The following BICD1 variants were observed in gnomAD, a reference collection of about 807,000 sequenced individuals.
BICD1 encodes the protein protein bicaudal D homolog 1.
BICD1 carries 35 observed loss-of-function variants against 92.5 expected under a neutral mutation model. The ratio of observed to expected loss-of-function variants is 0.38; its 90% CI spans 0.29 to 0.50. The LOEUF (loss-of-function observed/expected upper bound fraction) is 0.50. Ranked by LOEUF, BICD1 falls within the 20% of genes least tolerant of loss-of-function variation. BICD1 has a pLI of 0.93. For synonymous variants in BICD1, 429 were observed against 465.1 expected (o/e 0.92, Z 1.00); for missense variants, 950 against 1,189.8 (o/e 0.80, Z 2.97).
intron 2 of BICD1, among the ~76,000 whole-genome samples, chr12:32,258,161 A>G (rs1160496814): frequency 6.6e-6 from 1 of 152,150 alleles, no homozygotes; most frequent in Non-Finnish European, 1.5e-5. Flanking sequence ...GGGTTTGCTT[A>G]CTCCACAGCT....
chr12:32,336,091 C>T (rs550585686), intron 6 of BICD1, among the ~76,000 whole-genome samples: 64 of 152,236 alleles, frequency 4.2e-4, no homozygotes, highest in African/African-American at 1.5e-3. Context: ...GCCTGGGTGA[C>T]AGAGCGAGAC....
At chr12:32,325,634 T>C (rs1948757192) in intron 4 of BICD1, among the ~76,000 whole-genome samples, 1 of 152,150 alleles carries the variant, frequency 6.6e-6, no homozygotes, top group African/African-American at 2.4e-5. Context: ...CATATACACA[T>C]GTGTATCCTA....
At chr12:32,308,809 C>G (rs1948297788) in intron 4 of BICD1, among the ~76,000 whole-genome samples, 1 of 152,156 alleles carries the variant, frequency 6.6e-6, no homozygotes, top group South Asian at 2.1e-4. Context: ...AATCTTTCTT[C>G]AACCCTTAAC....
At chr12:32,140,796 CGTGTGTGTAGTTTTGGCA>C (rs756248530) in intron 1 of BICD1, among the ~76,000 whole-genome samples, 43,694 of 151,590 alleles carry the variant, frequency 0.29, 6,614 homozygotes, top group African/African-American at 0.38. Flanking sequence ...TTACATACTT[CGTGTGTGTAGTTTTGGCA>C]TTTAAGGAAA....
chr12:32,341,890 A>G (rs1938379292), intron 8 of BICD1, among the ~76,000 whole-genome samples: 1 of 152,020 alleles, frequency 6.6e-6, no homozygotes, highest in Admixed American at 6.6e-5. Context: ...ACTATATAAA[A>G]TCTTTTCAAT....
At chr12:32,321,450 T>C (rs1948654000) in intron 4 of BICD1, among the ~76,000 whole-genome samples, 1 of 152,180 alleles carries the variant, frequency 6.6e-6, no homozygotes, top group Non-Finnish European at 1.5e-5. Flanking sequence ...TTACAAATAC[T>C]GAAGTCAGGT....
chr12:32,305,808 C>G lies in BICD1; in HGVS notation c.691C>G (p.Leu231Val). 1 of 1,614,200 alleles carries G rather than the reference C, an allele frequency of 6.2e-7. No individual in the cohort carries two copies. Residue 231 changes from leucine (L) to valine (V), a missense_variant, in exon 4 of 10, where the codon CTG becomes GTG. Leu to Val is a conservative substitution (Grantham distance 32). Transcript: ENST00000652176. ...IRLKEIAEHQ[L>V]EEALETLKNE... ...ATTGAAAGAGATTGCTGAGCACCAA[C>G]TGGAAGAAGCCCTCGAGACTTTAAA...
intron 1 of BICD1, among the ~76,000 whole-genome samples, chr12:32,122,765 C>T (rs1368714860): frequency 2.6e-5 from 4 of 152,044 alleles, no homozygotes; most frequent in African/African-American, 9.7e-5. Flanking sequence ...AAAAAAGCAA[C>T]GAAGAAAGCT....
At chr12:32,333,893 A>G (rs1749525895) in intron 5 of BICD1, among the ~76,000 whole-genome samples, 1 of 152,218 alleles carries the variant, frequency 6.6e-6, no homozygotes, top group Non-Finnish European at 1.5e-5. Context: ...GGAGATTTTG[A>G]AGGAATTATA....
intron 8 of BICD1, chr12:32,339,314 G>A (rs747250689): frequency 3.9e-6 from 4 of 1,026,008 alleles, no homozygotes; most frequent in Non-Finnish European, 4.7e-6. Flanking sequence ...ATCTTGGTCA[G>A]ATTTGGCCAG....
At chr12:32,370,104 C>T (rs1939674303) in intron 9 of BICD1, among the ~76,000 whole-genome samples, 2 of 151,914 alleles carry the variant, frequency 1.3e-5, no homozygotes, top group Admixed American at 1.3e-4. Context: ...CGTGGTGGCG[C>T]AGGCCTGTAA....
chr12:32,171,327 G>C (rs954737735), intron 1 of BICD1, among the ~76,000 whole-genome samples: 6 of 152,228 alleles, frequency 3.9e-5, no homozygotes, highest in Non-Finnish European at 8.8e-5. Context: ...AGTCACAGCT[G>C]GGCCCCGAAG....
At chr12:32,274,029 C>T (rs1164000883) in intron 2 of BICD1, among the ~76,000 whole-genome samples, 1 of 152,172 alleles carries the variant, frequency 6.6e-6, no homozygotes, top group Non-Finnish European at 1.5e-5. Context: ...AAAGGGCAGG[C>T]TTTATCCGGG....
At chr12:32,247,195 G>C (rs148115162) in intron 2 of BICD1, among the ~76,000 whole-genome samples, 47 of 148,938 alleles carry the variant, frequency 3.2e-4, no homozygotes, top group Non-Finnish European at 5.9e-4. Context: ...TAACAGACTC[G>C]CTCTGGGTTT....
rs1392476286 is a variant in BICD1 at position 32,380,512 on chromosome 12, A to G, written c.*2885A>G. Reference sequence around the variant, plus strand: ...TAGCAAAGTAAACAGGTAGTTTTTTAAAAGTAAGCACAATTACAATATTGA... The same window carrying G: ...TAGCAAAGTAAACAGGTAGTTTTTTGAAAGTAAGCACAATTACAATATTGA... On this transcript the variant is annotated 3_prime_UTR_variant, in exon 10 of 10. Coordinates refer to ENST00000652176, the MANE Select transcript of BICD1 (RefSeq NM_001714.4). 6.6e-6 allele frequency: 1 copy of G among 152,186 alleles called. No homozygotes were observed. The highest frequency in any genetic ancestry group is 6.5e-5 in the Admixed American group (1 of 15,280). The allele number at this position is 152,186 out of a possible 1,614,324, so 9.4% of individuals were successfully genotyped here.
intron 2 of BICD1, chr12:32,227,828 A>G (rs895519924): frequency 1.3e-5 from 2 of 153,698 alleles, no homozygotes; most frequent in Non-Finnish European, 2.9e-5. Flanking sequence ...TGTAAGGTTA[A>G]CTTGTATGAA....
At chr12:32,199,521 T>TG in intron 1 of BICD1, among the ~76,000 whole-genome samples, 1 of 152,170 alleles carries the variant, frequency 6.6e-6, no homozygotes, top group South Asian at 2.1e-4. Flanking sequence ...CAACTGGTTA[T>TG]GGGGGGAAGG....
intron 2 of BICD1, among the ~76,000 whole-genome samples, chr12:32,236,508 C>G (rs1946077487): frequency 6.6e-6 from 1 of 152,162 alleles, no homozygotes; most frequent in Non-Finnish European, 1.5e-5. Context: ...TCAGACCTCC[C>G]TATTCCATGA....
intron 8 of BICD1, chr12:32,354,154 T>A (rs1939004336): frequency 6.6e-6 from 1 of 152,262 alleles, no homozygotes; most frequent in Non-Finnish European, 1.5e-5. Flanking sequence ...AATATTACTT[T>A]GTTTTATCAG....
Sources: gnomAD v4.1 joint callset for allele counts (sites outside exome capture counted in the v4.1 genomes callset) on GRCh38, gnomAD v4.1.1 for gene constraint, MANE v1.5 for transcripts, NCBI Gene and HGNC (gene_info 2026-07-23, HGNC 2026-07-21) for gene names.